Variants in NALF1 observed in about 807,000 individuals in gnomAD.
NALF1 encodes NALCN channel auxiliary factor 1, also known as family with sequence similarity 155 member A.
Under a neutral mutation model 48.4 loss-of-function variants are expected in NALF1, and 3 were observed. The observed-to-expected ratio is 0.06, with a 90% CI of 0.03 to 0.16. The LOEUF (loss-of-function observed/expected upper bound fraction) is 0.16. Among genes scored for constraint, NALF1 ranks in the 10% least tolerant of loss-of-function variants. NALF1 has a pLI of 1.00. For synonymous variants in NALF1, 262 were observed against 245.7 expected, an observed-to-expected ratio of 1.07 and a Z score of -0.62; for missense variants, 526 against 571.5, an observed-to-expected ratio of 0.92 and a Z score of 0.81.
At chr13:107,358,062 T>G (rs2138951753) in intron 1 of NALF1, among the ~76,000 whole-genome samples, 1 of 152,162 alleles carries the variant, frequency 6.6e-6, no homozygotes, top group East Asian at 1.9e-4. Context: ...ATATGCATAT[T>G]TATATACGCA....
At chr13:107,598,181 A>G (rs185742452) in intron 1 of NALF1, among the ~76,000 whole-genome samples, 5 of 152,186 alleles carry the variant, frequency 3.3e-5, no homozygotes, top group African/African-American at 1.2e-4. Context: ...ACAGGCATAC[A>G]CACAACACTA....
intron 1 of NALF1, among the ~76,000 whole-genome samples, chr13:107,595,674 T>G (rs1178329023): frequency 6.6e-6 from 1 of 152,210 alleles, no homozygotes; most frequent in African/African-American, 2.4e-5. Context: ...TGCAAAGATT[T>G]TATAAACATG....
intron 1 of NALF1, among the ~76,000 whole-genome samples, chr13:107,429,752 T>C (rs1594058270): frequency 2.2e-5 from 2 of 91,334 alleles, no homozygotes; most frequent in Admixed American, 2.5e-4. Flanking sequence ...GGAAGAAACA[T>C]AGAACTAAAG....
At chr13:107,327,466 C>G (rs1882385489) in intron 1 of NALF1, among the ~76,000 whole-genome samples, 1 of 152,186 alleles carries the variant, frequency 6.6e-6, no homozygotes, top group African/African-American at 2.4e-5. Context: ...GGGCGATATT[C>G]TAATAGACTG....
Position 107,609,158 on chromosome 13 carries a change from T to G in NALF1, c.915+256524A>C, listed in dbSNP as rs544870755. On this transcript the variant is annotated intron_variant, in intron 1 of 2. Coordinates refer to ENST00000375915, the MANE Select transcript of NALF1 (RefSeq NM_001080396.3). ...CCACCTCTAAAATGATTGGTATAGG[T>G]CCTGCCCTACCCCTTAGCTCCCCTA... Among the ~76,000 whole-genome samples, 661 of 152,226 alleles carry G rather than the reference T, an allele frequency of 4.3e-3. 2 individuals are homozygous for G. The highest frequency in any genetic ancestry group is 0.014 in the African/African-American group (599 of 41,544).
At chr13:107,725,191 C>T (rs566399728) in intron 1 of NALF1, among the ~76,000 whole-genome samples, 2 of 152,208 alleles carry the variant, frequency 1.3e-5, no homozygotes, top group South Asian at 2.1e-4. Flanking sequence ...AAGACAAATC[C>T]TTCAAATTGC....
intron 1 of NALF1, among the ~76,000 whole-genome samples, chr13:107,676,640 T>C (rs1325768510): frequency 1.3e-5 from 2 of 152,082 alleles, no homozygotes; most frequent in Non-Finnish European, 2.9e-5. Flanking sequence ...ATTGTGTGTA[T>C]CTTTACCTTA....
chr13:107,357,671 G>A (rs1308509846), intron 1 of NALF1, among the ~76,000 whole-genome samples: 1 of 152,092 alleles, frequency 6.6e-6, no homozygotes, highest in Non-Finnish European at 1.5e-5. Context: ...GTCAAGAGAA[G>A]GATCCCTTTT....
intron 1 of NALF1, among the ~76,000 whole-genome samples, chr13:107,799,053 T>C (rs543433572): frequency 1.6e-3 from 248 of 152,262 alleles, no homozygotes; most frequent in Non-Finnish European, 2.5e-3. Context: ...AATTGCAGAC[T>C]TAGTAGTCCA....
At chr13:107,614,573 G>A (rs1194810731) in intron 1 of NALF1, among the ~76,000 whole-genome samples, 20 of 152,100 alleles carry the variant, frequency 1.3e-4, no homozygotes, top group Admixed American at 1.3e-3. Context: ...CATTATAAGT[G>A]CTGGGAAAAT....
chr13:107,348,071 T>C (rs924098267), intron 1 of NALF1, among the ~76,000 whole-genome samples: 1 of 152,186 alleles, frequency 6.6e-6, no homozygotes, highest in Admixed American at 6.5e-5. Flanking sequence ...GCTGGTTAGT[T>C]TATTAGTTGT....
chr13:107,319,530 A>G (rs1378717463), intron 1 of NALF1, among the ~76,000 whole-genome samples: 7 of 152,070 alleles, frequency 4.6e-5, no homozygotes, highest in Non-Finnish European at 8.8e-5. Context: ...TAGATATGAG[A>G]AGAAAGTGCT....
intron 1 of NALF1, among the ~76,000 whole-genome samples, chr13:107,311,181 G>T (rs1372124039): frequency 6.6e-6 from 1 of 151,924 alleles, no homozygotes; most frequent in East Asian, 1.9e-4. Flanking sequence ...TTTTTTGCTT[G>T]AAGGTACTTC....
At chr13:107,521,629 C>T (rs1876241411) in intron 1 of NALF1, among the ~76,000 whole-genome samples, 1 of 151,980 alleles carries the variant, frequency 6.6e-6, no homozygotes, top group Admixed American at 6.6e-5. Flanking sequence ...TTATGCTTTG[C>T]TTTTGTCTTT....
chr13:107,290,093 C>G (rs772921766), intron 1 of NALF1, among the ~76,000 whole-genome samples: 4 of 151,632 alleles, frequency 2.6e-5, no homozygotes, highest in Non-Finnish European at 5.9e-5. Context: ...TCGGTTGATT[C>G]CCTTTGTTAA....
intron 2 of NALF1, among the ~76,000 whole-genome samples, chr13:107,208,953 C>T (rs1318799331): frequency 2.0e-5 from 3 of 152,130 alleles, no homozygotes; most frequent in Non-Finnish European, 2.9e-5. Context: ...AGTAGAATAA[C>T]ACACAGGCCT....
At chr13:107,297,015 T>C (rs916900955) in intron 1 of NALF1, among the ~76,000 whole-genome samples, 2 of 151,958 alleles carry the variant, frequency 1.3e-5, no homozygotes, top group African/African-American at 4.8e-5. Context: ...GATTAGAGTT[T>C]TTTTATTTTA....
chr13:107,353,422 TC>T (rs1882909190), intron 1 of NALF1, among the ~76,000 whole-genome samples: 2 of 152,206 alleles, frequency 1.3e-5, no homozygotes, highest in South Asian at 4.1e-4. Flanking sequence ...GAAATTTTCT[TC>T]TGAGACTTGA....
intron 1 of NALF1, among the ~76,000 whole-genome samples, chr13:107,673,046 G>A (rs78838032): frequency 6.6e-6 from 1 of 151,980 alleles, no homozygotes; most frequent in South Asian, 2.1e-4. Context: ...CACCCATATC[G>A]AACAACAAAG....
Sources: gnomAD v4.1 joint callset for allele counts (sites outside exome capture counted in the v4.1 genomes callset) on GRCh38, gnomAD v4.1.1 for gene constraint, MANE v1.5 for transcripts, NCBI Gene and HGNC (gene_info 2026-07-23, HGNC 2026-07-21) for gene names.